Variants in STOX1 observed in about 807,000 individuals in gnomAD.
STOX1 encodes storkhead-box protein 1.
STOX1 carries 57 observed loss-of-function variants against 74.8 expected under a neutral mutation model. That is an observed-to-expected ratio of 0.76 (90% confidence interval 0.62 to 0.95). STOX1 has a LOEUF of 0.95. Ranked by LOEUF, STOX1 falls within the 40% of genes least tolerant of loss-of-function variation. The probability of loss-of-function intolerance (pLI) is 0.00; values close to 1 mark genes in which losing one functional copy is unlikely to be tolerated. For missense variants in STOX1, 1,010 were observed against 1,117.0 expected (o/e 0.90, Z 1.37); for synonymous variants, 375 against 401.3 (o/e 0.93, Z 0.78).
Position 68,884,341 on chromosome 10 carries a change from A to G in STOX1, c.545A>G (p.Glu182Gly). The G allele has an allele frequency of 6.2e-7, 1 of 1,614,142 alleles. No individual in the cohort carries two copies. The highest frequency in any genetic ancestry group is 1.6e-4 in the Middle Eastern group (1 of 6,062). ...IKERKIYHTG[E>G]GYFIVTPQTY... ...GAAAGGAAGATTTATCACACTGGAG[A>G]AGGATACTTCATAGTTACTCCTCAG... The change falls in exon 3 of 4, where the codon GAA becomes GGA. Residue 182 changes from glutamate (E) to glycine (G), a missense_variant. Glu to Gly is a moderately conservative substitution (Grantham distance 98, BLOSUM62 -2). Coordinates refer to ENST00000298596, the MANE Select transcript of STOX1 (RefSeq NM_152709.5).
downstream of STOX1, among the ~76,000 whole-genome samples, chr10:68,893,337 G>T (rs974451341): frequency 4.6e-5 from 7 of 152,228 alleles, no homozygotes; most frequent in Non-Finnish European, 7.3e-5. Context: ...TGAACAAATG[G>T]TTCCCAATGT....
intron 1 of STOX1, among the ~76,000 whole-genome samples, chr10:68,850,673 G>A (rs58340470): frequency 0.021 from 3,246 of 152,270 alleles, 120 homozygotes; most frequent in African/African-American, 0.074. Flanking sequence ...AGTTGATTTA[G>A]ATACACTTTT....
At chr10:68,848,472 G>A (rs1287658593) in intron 1 of STOX1, among the ~76,000 whole-genome samples, 1 of 152,156 alleles carries the variant, frequency 6.6e-6, no homozygotes, top group African/African-American at 2.4e-5. Context: ...TAAGAAGGGG[G>A]AGGAGGGCCT....
rs557852637 is a variant in STOX1, at chr10:68,853,005, C to T, written c.310+25072C>T. 9.9e-5 allele frequency among the ~76,000 whole-genome samples: 15 copies of T among 151,778 alleles called. No homozygotes were observed. In the East Asian group the frequency reaches 2.9e-3, roughly 29 times the overall value. On this transcript the variant is annotated intron_variant, in intron 1 of 3. Transcript: ENST00000298596. ...TGGTGCAATCTTGGCTCACTGCAACCTTCACCTCCTGGGTTCAAGCGATTC... is the reference window on the plus strand; with the variant it reads ...TGGTGCAATCTTGGCTCACTGCAACTTTCACCTCCTGGGTTCAAGCGATTC...
rs994056298 is a variant in STOX1 at position 68,885,643 on chromosome 10, T to C, written c.1847T>C (p.Val616Ala). The part of the protein sequence containing the change: ...RYEVYGGENE[V>A]IPEVLRKSHS... The stretch of plus-strand genomic sequence containing the variant: ...GAAGTGTATGGTGGAGAAAATGAGG[T>C]AATTCCTGAAGTCTTGAGGAAAAGT... The change falls in exon 3 of 4, where the codon GTA becomes GCA. Residue 616 changes from valine (V) to alanine (A), a missense_variant. Val to Ala is a moderately conservative substitution (Grantham distance 64). Coordinates refer to ENST00000298596, the MANE Select transcript of STOX1 (RefSeq NM_152709.5). 2.5e-6 allele frequency: 4 copies of C among 1,614,030 alleles called. No individual in the cohort carries two copies. In the African/African-American group the frequency reaches 5.3e-5, roughly 22 times the overall value.
In STOX1 at chr10:68,892,878, C is replaced by A; in HGVS notation, c.*142C>A. ...TATTAACCACATTACACATTTTGTT[C>A]TAATTACTGGCTTTTTTTCCTCTTT... On this transcript the variant is annotated 3_prime_UTR_variant, in exon 4 of 4. Coordinates refer to ENST00000298596, the MANE Select transcript of STOX1 (RefSeq NM_152709.5). The A allele has an allele frequency of 1.0e-6, 1 of 967,186 alleles. No homozygotes were observed. The highest frequency in any genetic ancestry group is 1.5e-6 in the Non-Finnish European group (1 of 659,852). 59.9% of individuals were successfully genotyped at this position (967,186 alleles called of 1,614,324 possible).
intron 1 of STOX1, among the ~76,000 whole-genome samples, chr10:68,876,793 C>A (rs1207942602): frequency 6.6e-6 from 1 of 152,164 alleles, no homozygotes; most frequent in African/African-American, 2.4e-5. Context: ...TCAGTTTACT[C>A]CCTCATAGTT....
intron 1 of STOX1, among the ~76,000 whole-genome samples, chr10:68,880,380 C>G (rs1460768714): frequency 6.6e-6 from 1 of 152,030 alleles, no homozygotes; most frequent in Admixed American, 6.6e-5. Context: ...TTGGATCTCG[C>G]TATGTTGCTC....
At chr10:68,837,015 G>A (rs1213522407) in intron 1 of STOX1, among the ~76,000 whole-genome samples, 1 of 152,162 alleles carries the variant, frequency 6.6e-6, no homozygotes, top group Non-Finnish European at 1.5e-5. Context: ...CTGCCCTTGC[G>A]CTTGCAGTCG....
chr10:68,844,101 G>T (rs1406485531), intron 1 of STOX1, among the ~76,000 whole-genome samples: 1 of 151,632 alleles, frequency 6.6e-6, no homozygotes, highest in East Asian at 2.0e-4. Flanking sequence ...AATGGCATGA[G>T]CCCGGGAGGC....
At chr10:68,833,672 C>T (rs1839468473) in intron 1 of STOX1, among the ~76,000 whole-genome samples, 1 of 152,154 alleles carries the variant, frequency 6.6e-6, no homozygotes, top group Non-Finnish European at 1.5e-5. Context: ...CCAGTTAGGT[C>T]GGGGTGGTCT....
intron 1 of STOX1, among the ~76,000 whole-genome samples, chr10:68,831,311 C>T (rs1839403154): frequency 6.6e-6 from 1 of 152,014 alleles, no homozygotes; most frequent in Admixed American, 6.6e-5. Flanking sequence ...CCTCAGCATC[C>T]CGGTAGCTGG....
Position 68,882,074 on chromosome 10 carries a change from G to T in STOX1, c.427G>T (p.Glu143Ter). ...TACAGCTCAGATTGTAGTAACGCAG[G>T]AATCACTTTTGGAGCGTTTGATGAA... ...MNTAQIVVTQ[E>*]SLLERLMKHY... Residue 143 changes from glutamate (E) to a stop codon, truncating the protein, a stop_gained, in exon 2 of 4, where the codon GAA becomes TAA. Coordinates refer to ENST00000298596, the MANE Select transcript of STOX1 (RefSeq NM_152709.5). LOFTEE classifies it high-confidence loss of function. 6.2e-7 allele frequency: 1 copy of T among 1,613,884 alleles called. No homozygotes were observed. The highest frequency in any genetic ancestry group is 8.5e-7 in the Non-Finnish European group (1 of 1,179,908).
intron 1 of STOX1, among the ~76,000 whole-genome samples, chr10:68,872,999 CAAAAT>C (rs1840572192): frequency 6.6e-6 from 1 of 151,232 alleles, no homozygotes; most frequent in Admixed American, 6.6e-5. Context: ...GCTCAGATAT[CAAAAT>C]AAACACTTTT....
chr10:68,886,593 G>A lies in STOX1; in HGVS notation c.2797G>A (p.Gly933Arg). Residue 933 changes from glycine to arginine, a missense_variant, in exon 3 of 4, where the codon GGA becomes AGA. Gly to Arg is a moderately radical substitution (Grantham distance 125). Transcript: ENST00000298596. The part of the protein sequence containing the change: ...LEGTENHSMA[G>R]DSGIDSPRTQ... ...AGGGACAGAAAATCACAGCATGGCA[G>A]GAGATAGTGGAATAGATTCTCCACG... is the stretch of plus-strand genomic sequence containing the variant. The A allele has an allele frequency of 6.2e-7, 1 of 1,614,172 alleles. No homozygotes were observed. Among genetic ancestry groups the A allele is most frequent in the Non-Finnish European group, 8.5e-7 (1 of 1,180,016 alleles).
chr10:68,852,551 C>T lies in STOX1; in HGVS notation c.310+24618C>T, dbSNP rs181715368. ...GGGATTACAGGCATGAGCCACCGCGCCTGGCCCTCTTACTGCTTTTAAGAT... is the reference window on the plus strand; with the variant it reads ...GGGATTACAGGCATGAGCCACCGCGTCTGGCCCTCTTACTGCTTTTAAGAT... On this transcript the variant is annotated intron_variant, in intron 1 of 3. Transcript: ENST00000298596. Among the ~76,000 whole-genome samples the T allele has an allele frequency of 4.3e-4, 65 of 152,002 alleles. 1 individual carries two copies. The highest frequency in any genetic ancestry group is 1.5e-3 in the African/African-American group (62 of 41,408).
In STOX1 at chr10:68,885,518, C is replaced by A; in HGVS notation, c.1722C>A (p.Ile574=). The A allele has an allele frequency of 6.2e-7, 1 of 1,614,200 alleles. No individual in the cohort carries two copies. The change falls in exon 3 of 4, where the codon ATC becomes ATA. Residue 574 remains isoleucine, a synonymous_variant. Transcript: ENST00000298596. The part of the protein sequence containing the change: ...IYINDPTVKP[I]NDDFRGHLFS... ...TAAATGACCCTACTGTCAAACCCAT[C>A]AATGATGACTTCAGAGGTCACCTCT...
At chr10:68,830,831 C>T (rs1056104035) in intron 1 of STOX1, among the ~76,000 whole-genome samples, 1 of 152,098 alleles carries the variant, frequency 6.6e-6, no homozygotes, top group Admixed American at 6.6e-5. Context: ...GTGATGGATA[C>T]ACATGGGGGA....
At chr10:68,869,898 G>A (rs1209043265) in intron 1 of STOX1, among the ~76,000 whole-genome samples, 2 of 152,032 alleles carry the variant, frequency 1.3e-5, no homozygotes, top group Non-Finnish European at 2.9e-5. Context: ...TGCTGATCTA[G>A]TTCAGTTCCC....
Sources: gnomAD v4.1 joint callset for allele counts (sites outside exome capture counted in the v4.1 genomes callset) on GRCh38, gnomAD v4.1.1 for gene constraint, MANE v1.5 for transcripts, NCBI Gene and HGNC (gene_info 2026-07-23, HGNC 2026-07-21) for gene names.